YWHAZ: variants seen among roughly 807,000 people sequenced by gnomAD.
YWHAZ encodes the protein tyrosine 3-monooxygenase/tryptophan 5-monooxygenase activation protein zeta.
For missense variants in YWHAZ, 79 were observed against 284.8 expected, an observed-to-expected ratio of 0.28 and a Z score of 5.20; for synonymous variants, 87 against 103.6, an observed-to-expected ratio of 0.84 and a Z score of 0.97.
At chr8:100,945,455 A>G (rs1281045566) in intron 2 of YWHAZ, among the ~76,000 whole-genome samples, 2 of 152,184 alleles carry the variant, frequency 1.3e-5, no homozygotes, top group Non-Finnish European at 2.9e-5. Context: ...CACTAATGCC[A>G]CAAGCCAATA....
intron 2 of YWHAZ, among the ~76,000 whole-genome samples, chr8:100,926,666 C>G (rs1813386453): frequency 6.6e-6 from 1 of 152,088 alleles, no homozygotes; most frequent in African/African-American, 2.4e-5. Flanking sequence ...ATCAGAAGAA[C>G]GTTTTGGTTA....
chr8:100,945,210 T>C (rs1182312380), intron 2 of YWHAZ, among the ~76,000 whole-genome samples: 1 of 152,228 alleles, frequency 6.6e-6, no homozygotes, highest in Admixed American at 6.5e-5. Flanking sequence ...GTGAAGAGCA[T>C]GCCAGTGACC....
intron 1 of YWHAZ, chr8:100,950,693 A>T (rs1810677150): frequency 1.4e-6 from 1 of 731,688 alleles, no homozygotes. Flanking sequence ...AAGCCGCCCG[A>T]CCCCGGGGCA....
chr8:100,952,786 C>T (rs1371740756), upstream of YWHAZ: 7 of 998,204 alleles, frequency 7.0e-6, no homozygotes, highest in East Asian at 2.3e-4. Flanking sequence ...CGCTCCCCTT[C>T]CCCGGCTGGG....
Position 100,924,417 on chromosome 8 carries a change from T to G in YWHAZ, c.419-119A>C. 2 of 1,056,546 alleles carry G rather than the reference T, an allele frequency of 1.9e-6. No homozygotes were observed. Among genetic ancestry groups the G allele is most frequent in the Non-Finnish European group, 2.7e-6 (2 of 754,352 alleles). The allele number at this position is 1,056,546 out of a possible 1,614,324, so 65.4% of individuals were successfully genotyped here. On this transcript the variant is annotated intron_variant, in intron 3 of 5. Coordinates refer to ENST00000395958, the MANE Select transcript of YWHAZ (RefSeq NM_145690.3). This position sits in a 1 kb window ranked among gnomAD's most constrained non-coding sequence, Gnocchi z 5.7. ...ATACTAACCTGTAACAGCTTAATATTTGTTAATTGAACAAGGTCCTTTTTT... is the reference window on the plus strand; with the variant it reads ...ATACTAACCTGTAACAGCTTAATATGTGTTAATTGAACAAGGTCCTTTTTT...
At chr8:100,949,450 C>T (rs967580438) in intron 1 of YWHAZ, among the ~76,000 whole-genome samples, 2 of 152,152 alleles carry the variant, frequency 1.3e-5, no homozygotes, top group African/African-American at 4.8e-5. Context: ...CCTACTAGAT[C>T]TCTGCAACAA....
intron 2 of YWHAZ, among the ~76,000 whole-genome samples, chr8:100,933,511 A>G (rs919936551): frequency 6.6e-6 from 1 of 152,080 alleles, no homozygotes; most frequent in Non-Finnish European, 1.5e-5. Context: ...TTTTTTGCCA[A>G]TCGTACCTCA....
chr8:100,921,711 A>C (rs755807944), intron 5 of YWHAZ, among the ~76,000 whole-genome samples: 3 of 152,242 alleles, frequency 2.0e-5, no homozygotes, highest in Non-Finnish European at 4.4e-5. Flanking sequence ...ATTCAAAATA[A>C]ATGCTGGACA....
intron 2 of YWHAZ, among the ~76,000 whole-genome samples, chr8:100,946,534 A>T (rs1265704609): frequency 1.3e-5 from 2 of 152,038 alleles, no homozygotes; most frequent in Non-Finnish European, 2.9e-5. Context: ...CTGGGTGACA[A>T]GAGCAAAACT....
At chr8:100,937,429 C>A (rs540644700) in intron 2 of YWHAZ, among the ~76,000 whole-genome samples, 17 of 152,140 alleles carry the variant, frequency 1.1e-4, no homozygotes, top group African/African-American at 3.6e-4. Context: ...AGTATTTCAC[C>A]AACTGGTCCT....
At chr8:100,939,388 G>A (rs777131429) in intron 2 of YWHAZ, among the ~76,000 whole-genome samples, 1 of 152,132 alleles carries the variant, frequency 6.6e-6, no homozygotes, top group Admixed American at 6.5e-5. Context: ...CGCTGGGCAC[G>A]GTGGCTCACA....
At chr8:100,931,723 C>T (rs1813775403) in intron 2 of YWHAZ, among the ~76,000 whole-genome samples, 1 of 152,088 alleles carries the variant, frequency 6.6e-6, no homozygotes, top group Admixed American at 6.5e-5. Context: ...AGTAGGCATT[C>T]TACTCACTGG....
intron 2 of YWHAZ, among the ~76,000 whole-genome samples, chr8:100,946,139 A>C (rs763607753): frequency 3.3e-5 from 5 of 152,184 alleles, no homozygotes; most frequent in Admixed American, 6.5e-5. Flanking sequence ...TAATCATAAC[A>C]AGAAGAAACT....
At chr8:100,925,900 T>C (rs1813329016) in intron 2 of YWHAZ, among the ~76,000 whole-genome samples, 1 of 152,028 alleles carries the variant, frequency 6.6e-6, no homozygotes, top group Non-Finnish European at 1.5e-5. Flanking sequence ...GGGAGAAAAA[T>C]AATTCTAGTA....
chr8:100,925,102 A>G (rs1382618335), intron 2 of YWHAZ, 63 bp from the exon 3 acceptor site: 3 of 1,521,004 alleles, frequency 2.0e-6, no homozygotes, highest in African/African-American at 2.8e-5. Flanking sequence ...AAGAACTTGC[A>G]TTTCTTAAAG....
chr8:100,920,986 G>C (rs1812986199), intron 5 of YWHAZ, among the ~76,000 whole-genome samples: 1 of 152,156 alleles, frequency 6.6e-6, no homozygotes, highest in Admixed American at 6.6e-5. Flanking sequence ...ATAACCTTCA[G>C]ATACAGGAAA....
At chr8:100,935,974 G>T (rs1814119715) in intron 2 of YWHAZ, among the ~76,000 whole-genome samples, 1 of 152,002 alleles carries the variant, frequency 6.6e-6, no homozygotes, top group Admixed American at 6.6e-5. Context: ...AGTAATCAGA[G>T]AATTTATAAA....
chr8:100,928,780 G>A (rs905232005), intron 2 of YWHAZ, among the ~76,000 whole-genome samples: 21 of 151,974 alleles, frequency 1.4e-4, no homozygotes, highest in African/African-American at 5.1e-4. Flanking sequence ...TCAATGGGGT[G>A]ATATACCTAC....
At chr8:100,929,944 C>A (rs1217277007) in intron 2 of YWHAZ, among the ~76,000 whole-genome samples, 1 of 152,198 alleles carries the variant, frequency 6.6e-6, no homozygotes, top group Admixed American at 6.5e-5. Context: ...TATGCAATAA[C>A]TTCAGAGAAT....
Sources: gnomAD v4.1 joint callset for allele counts (sites outside exome capture counted in the v4.1 genomes callset) on GRCh38, gnomAD v4.1.1 for gene constraint, Gnocchi (gnomAD v3.1) non-coding constraint, MANE v1.5 for transcripts, NCBI Gene and HGNC (gene_info 2026-07-23, HGNC 2026-07-21) for gene names.